The following ASTN2 variants were observed in gnomAD, a reference collection of about 807,000 sequenced individuals.
ASTN2 encodes astrotactin-2.
In ASTN2, 54 loss-of-function variants were observed where a neutral mutation model predicts 139.8. That is an observed-to-expected ratio of 0.39 (90% CI 0.31 to 0.48). The LOEUF is 0.48. ASTN2 is among the 20% of genes least tolerant of loss of function. The pLI is 0.95. For synonymous variants in ASTN2, 756 were observed against 719.5 expected, an observed-to-expected ratio of 1.05 and a Z score of -0.81; for missense variants, 1,565 against 1,725.1, an observed-to-expected ratio of 0.91 and a Z score of 1.64.
At chr9:117,099,235 C>G (rs1828914770) in intron 4 of ASTN2, among the ~76,000 whole-genome samples, 1 of 152,156 alleles carries the variant, frequency 6.6e-6, no homozygotes, top group East Asian at 1.9e-4. Context: ...ATACTCTCTG[C>G]TATGTCTGGA....
chr9:116,698,565 C>G lies in ASTN2; in HGVS notation c.2806+27206G>C, dbSNP rs555915611. The G allele has an allele frequency of 6.2e-7, 1 of 1,613,892 alleles. No individual in the cohort carries two copies. Among genetic ancestry groups the G allele is most frequent in the East Asian group, 2.2e-5 (1 of 44,894 alleles). On this transcript the variant is annotated intron_variant, in intron 16 of 22. Transcript: ENST00000313400. The surrounding 1 kb of genome is among the most constrained non-coding windows in gnomAD (Gnocchi z 4.4). ...TGCCAGCTTGCCTCGGGAGCTCACC[C>G]TGCAAGATGTGGAGCTCCTTAAGGT...
chr9:116,425,139 T>C lies in ASTN2; in HGVS notation c.*712A>G, dbSNP rs1007253314. ...TCTGTCTTTAGTTGCATATGCTCTG[T>C]GACTGGCACAGGGTAGATACTCAAT... On this transcript the variant is annotated 3_prime_UTR_variant, in exon 23 of 23. Coordinates refer to ENST00000313400, the MANE Select transcript of ASTN2 (RefSeq NM_001365068.1). The C allele has an allele frequency of 1.1e-5, 2 of 178,836 alleles. No individual in the cohort carries two copies. Among genetic ancestry groups the C allele is most frequent in the African/African-American group, 4.8e-5 (2 of 41,660 alleles). 11.1% of individuals were successfully genotyped at this position (178,836 alleles called of 1,614,324 possible). A position where few individuals can be genotyped will look rare whatever the true frequency, so the allele number is the denominator to read the frequency against.
intron 17 of ASTN2, among the ~76,000 whole-genome samples, chr9:116,648,675 G>A (rs1011488134): frequency 1.3e-5 from 2 of 152,158 alleles, no homozygotes; most frequent in African/African-American, 4.8e-5. Flanking sequence ...TATTTGTTCA[G>A]TTAGCTAGTT....
intron 17 of ASTN2, among the ~76,000 whole-genome samples, chr9:116,627,206 A>C (rs1282505639): frequency 1.3e-5 from 2 of 152,240 alleles, no homozygotes; most frequent in Admixed American, 1.3e-4. Flanking sequence ...CAGGAAGGCA[A>C]GTGAGATGAG....
intron 1 of ASTN2, among the ~76,000 whole-genome samples, chr9:117,355,875 G>A (rs1369650059): frequency 1.3e-5 from 2 of 152,266 alleles, no homozygotes; most frequent in East Asian, 1.9e-4. Context: ...AGTGGTCAAT[G>A]GCATGCTTGT....
intron 19 of ASTN2, among the ~76,000 whole-genome samples, chr9:116,596,577 T>C (rs890118494): frequency 6.6e-6 from 1 of 152,246 alleles, no homozygotes; most frequent in East Asian, 1.9e-4. Context: ...AGTATCTATA[T>C]ATTAAATGTA....
intron 11 of ASTN2, among the ~76,000 whole-genome samples, chr9:116,850,198 C>G (rs1564303931): frequency 6.6e-6 from 1 of 152,160 alleles, no homozygotes; most frequent in Non-Finnish European, 1.5e-5. Context: ...AGGGCAGGGC[C>G]CTTCAAGGTT....
chr9:116,843,947 T>A (rs904652981), intron 11 of ASTN2, among the ~76,000 whole-genome samples: 12 of 152,152 alleles, frequency 7.9e-5, no homozygotes, highest in African/African-American at 2.2e-4. Flanking sequence ...AATCAAATTT[T>A]AAAAAACTCT....
intron 7 of ASTN2, among the ~76,000 whole-genome samples, chr9:117,000,681 G>A (rs1336443170): frequency 2.0e-5 from 3 of 152,086 alleles, no homozygotes; most frequent in Non-Finnish European, 4.4e-5. Flanking sequence ...GGAGCATAAT[G>A]TCACTCTGGT....
intron 1 of ASTN2, among the ~76,000 whole-genome samples, chr9:117,298,386 C>T (rs1346874835): frequency 6.6e-6 from 1 of 152,122 alleles, no homozygotes; most frequent in African/African-American, 2.4e-5. Context: ...AGACCAACTG[C>T]TTGAATTTGC....
chr9:117,095,399 G>T (rs1197888474), intron 5 of ASTN2, among the ~76,000 whole-genome samples: 1 of 152,158 alleles, frequency 6.6e-6, no homozygotes, highest in Admixed American at 6.5e-5. Context: ...TTCAGCATTT[G>T]GCCATCCCCC....
intron 2 of ASTN2, among the ~76,000 whole-genome samples, chr9:117,218,401 A>C (rs1409005288): frequency 6.6e-6 from 1 of 152,234 alleles, no homozygotes; most frequent in African/African-American, 2.4e-5. Context: ...TTTCCGTTAC[A>C]GATTCAAGTT....
chr9:116,568,582 C>G (rs1445077258), intron 19 of ASTN2: 2 of 152,384 alleles, frequency 1.3e-5, no homozygotes, highest in East Asian at 3.8e-4. Context: ...TTTGAACACT[C>G]TAGCCCCCAG....
intron 19 of ASTN2, chr9:116,585,250 G>T (rs1854102048): frequency 6.6e-6 from 1 of 152,134 alleles, no homozygotes; most frequent in South Asian, 2.1e-4. Context: ...TCCTGACAGA[G>T]CATCAATTTT....
At chr9:117,290,874 G>T (rs114406207) in intron 2 of ASTN2, among the ~76,000 whole-genome samples, 3 of 152,248 alleles carry the variant, frequency 2.0e-5, no homozygotes, top group African/African-American at 7.2e-5. Flanking sequence ...CCACCATGCA[G>T]TTGTTGCAAG....
In ASTN2 at chr9:116,975,347, T is replaced by C. The variant is rs1384985845; in HGVS notation, c.1752-2A>G. On this transcript the variant is annotated splice_acceptor_variant, in intron 9 of 22. Coordinates refer to ENST00000313400, the MANE Select transcript of ASTN2 (RefSeq NM_001365068.1). LOFTEE classifies it high-confidence loss of function. ...CCTTGGCCCAAGCTGAAAGTAGACC[T>C]GCAATGTAAGAGTTTCCATTGGGGA... 1 of 1,603,308 alleles carries C rather than the reference T, an allele frequency of 6.2e-7. No homozygotes were observed. Among genetic ancestry groups the C allele is most frequent in the Non-Finnish European group, 8.5e-7 (1 of 1,175,312 alleles).
At chr9:117,041,457 A>G (rs1838568760) in intron 5 of ASTN2, among the ~76,000 whole-genome samples, 1 of 152,128 alleles carries the variant, frequency 6.6e-6, no homozygotes, top group Non-Finnish European at 1.5e-5. Context: ...AGAAACTGAG[A>G]TGTCACCTTT....
intron 13 of ASTN2, among the ~76,000 whole-genome samples, chr9:116,744,748 G>C (rs1829188816): frequency 1.3e-5 from 2 of 152,156 alleles, no homozygotes; most frequent in South Asian, 4.1e-4. Context: ...CTAATAACCA[G>C]AGCCCTCCAC....
At chr9:117,182,598 T>C (rs1040348375) in intron 3 of ASTN2, among the ~76,000 whole-genome samples, 2 of 152,200 alleles carry the variant, frequency 1.3e-5, no homozygotes, top group Non-Finnish European at 2.9e-5. Flanking sequence ...AATCACTGCT[T>C]TTGTCTACAG....
Sources: allele counts gnomAD v4.1 joint callset (sites outside exome capture counted in the v4.1 genomes callset), GRCh38; gene constraint gnomAD v4.1.1; non-coding constraint Gnocchi (gnomAD v3.1); transcripts MANE v1.5; gene names NCBI Gene and HGNC (gene_info 2026-07-23, HGNC 2026-07-21).